Variants in TTC34 observed in about 807,000 individuals in gnomAD.
TTC34 encodes tetratricopeptide repeat protein 34.
In TTC34, 44 loss-of-function variants were observed where a neutral mutation model predicts 40.7. The ratio of observed to expected loss-of-function variants is 1.08; its 90% CI spans 0.85 to 1.39. TTC34 has a LOEUF of 1.39. Ranked by LOEUF, TTC34 falls within the 40% of genes most tolerant of loss-of-function variation. The pLI is 0.00. For missense variants in TTC34, 884 were observed against 838.0 expected, an observed-to-expected ratio of 1.05 and a Z score of -0.68; for synonymous variants, 422 against 398.6, an observed-to-expected ratio of 1.06 and a Z score of -0.70.
intron 2 of TTC34, among the ~76,000 whole-genome samples, chr1:2,791,101 C>T (rs561430112): frequency 1.8e-4 from 27 of 152,238 alleles, no homozygotes; most frequent in Middle Eastern, 3.4e-3. Flanking sequence ...GGGCAGCATC[C>T]CCACCCCCAC....
chr1:2,641,863 G>A lies in TTC34; in HGVS notation c.2745C>T (p.Asp915=), dbSNP rs761124759. 16 of 1,499,852 alleles carry A rather than the reference G, an allele frequency of 1.1e-5. No individual in the cohort carries two copies. The African/African-American group carries it at 1.4e-4, about 13-fold the overall frequency. The allele number at this position is 1,499,852 out of a possible 1,614,324, so 92.9% of individuals were successfully genotyped here. The change falls in exon 9 of 9, where the codon GAC becomes GAT. Residue 915 remains aspartate (D), a synonymous_variant. Transcript: ENST00000401095. ...CCAGCGCCTGCCTGGGTTGCCCTGCGTCCAGGAGGGTGCCGGCTTCCTGGG... is the reference window on the plus strand; with the variant it reads ...CCAGCGCCTGCCTGGGTTGCCCTGCATCCAGGAGGGTGCCGGCTTCCTGGG...
intron 6 of TTC34, among the ~76,000 whole-genome samples, chr1:2,694,166 A>AAGCAGCACCCCACACCCCCAGGTGAGCAT (rs1557623720): frequency 7.2e-6 from 1 of 139,380 alleles, no homozygotes; most frequent in Non-Finnish European, 1.5e-5. Flanking sequence ...CGAGCATCTG[A>AAGCAGCACCCCACACCCCCAGGTGAGCAT]CGGCCTGGAA....
At chr1:2,752,669 G>C (rs1641362983) in intron 6 of TTC34, among the ~76,000 whole-genome samples, 3 of 142,594 alleles carry the variant, frequency 2.1e-5, no homozygotes, top group Non-Finnish European at 4.5e-5. Context: ...GCGAGCATCT[G>C]ACAACCTGCA....
intron 2 of TTC34, among the ~76,000 whole-genome samples, chr1:2,795,016 C>A (rs1643698486): frequency 6.6e-6 from 1 of 151,714 alleles, no homozygotes. Context: ...CCTGCATAAC[C>A]ATCCACTGTA....
intron 8 of TTC34, among the ~76,000 whole-genome samples, chr1:2,642,517 C>T (rs1474343603): frequency 2.0e-5 from 3 of 152,244 alleles, no homozygotes; most frequent in Non-Finnish European, 2.9e-5. Flanking sequence ...CCCCCCACTC[C>T]TCCCGGGCAC....
At chr1:2,752,988 T>C (rs1641375092) in intron 6 of TTC34, among the ~76,000 whole-genome samples, 4 of 140,978 alleles carry the variant, frequency 2.8e-5, no homozygotes, top group African/African-American at 8.3e-5. Context: ...CAGGTGAGCA[T>C]CTGACCGCAT....
At position 2,700,071 on chromosome 1, in the gene TTC34, C is replaced by T. The variant is rs1485425824; in HGVS notation, c.2227-54508G>A. 1.2e-4 allele frequency among the ~76,000 whole-genome samples: 15 copies of T among 120,076 alleles called. 3 individuals carry two copies. Among genetic ancestry groups the T allele is most frequent in the South Asian group, 2.5e-4 (1 of 3,956 alleles). 78.8% of individuals were successfully genotyped at this position (120,076 alleles called of 152,430 possible). A position where few individuals can be genotyped will look rare whatever the true frequency, so the allele number is the denominator to read the frequency against. ...CCCACACCCAGAGGTGAGCATATGACCACCTGGAGCAGCACCCACAGTCCC... is the reference window on the plus strand; with the variant it reads ...CCCACACCCAGAGGTGAGCATATGATCACCTGGAGCAGCACCCACAGTCCC... On this transcript the variant is annotated intron_variant, in intron 6 of 8. Transcript: ENST00000401095.
At chr1:2,800,474 G>A (rs777025499) in exon 2 of TTC34, 47 of 398,524 alleles carry the variant, frequency 1.2e-4, no homozygotes, top group South Asian at 2.5e-4. Flanking sequence ...CCACTTCTTC[G>A]TGACGCCCGC....
intron 6 of TTC34, among the ~76,000 whole-genome samples, chr1:2,753,211 C>T: frequency 1.7e-5 from 2 of 118,020 alleles, no homozygotes; most frequent in Non-Finnish European, 1.7e-5. Context: ...AGCAGCACCC[C>T]ACACCCACAG....
At chr1:2,694,190 CCCA>C (rs1640756532) in intron 6 of TTC34, among the ~76,000 whole-genome samples, 1 of 127,202 alleles carries the variant, frequency 7.9e-6, no homozygotes, top group Non-Finnish European at 1.7e-5. Flanking sequence ...CACCCACACC[CCCA>C]GGTGAGCATG....
chr1:2,771,523 C>T (rs1268892310), intron 6 of TTC34, among the ~76,000 whole-genome samples: 2 of 76,876 alleles, frequency 2.6e-5, no homozygotes, highest in Non-Finnish European at 4.6e-5. Context: ...AGCACGCACA[C>T]CCCCAGGCGA....
intron 2 of TTC34, among the ~76,000 whole-genome samples, chr1:2,791,715 C>A (rs58782253): frequency 6.6e-6 from 1 of 152,052 alleles, no homozygotes; most frequent in Non-Finnish European, 1.5e-5. Context: ...TTTGCAGTGG[C>A]TCATGGATCC....
intron 6 of TTC34, among the ~76,000 whole-genome samples, chr1:2,652,345 A>G (rs1401422145): frequency 6.6e-6 from 1 of 151,348 alleles, no homozygotes; most frequent in Non-Finnish European, 1.5e-5. Context: ...AGCATCTGAT[A>G]TCCTGGAACA....
chr1:2,685,999 C>T (rs796321750), intron 6 of TTC34, among the ~76,000 whole-genome samples: 17 of 103,124 alleles, frequency 1.6e-4, no homozygotes, highest in African/African-American at 6.5e-4. Flanking sequence ...AGCACCCACA[C>T]CCCCAGGTGA....
intron 6 of TTC34, among the ~76,000 whole-genome samples, chr1:2,656,367 C>A (rs1231919416): frequency 6.1e-5 from 6 of 98,104 alleles, no homozygotes; most frequent in African/African-American, 8.6e-5. Flanking sequence ...CCTGGAACAG[C>A]ACCCACACCC....
chr1:2,683,941 G>C (rs1250246593), intron 6 of TTC34, among the ~76,000 whole-genome samples: 1 of 132,916 alleles, frequency 7.5e-6, no homozygotes, highest in Non-Finnish European at 1.5e-5. Flanking sequence ...ATGGTCTGGA[G>C]CAGTACCCAC....
chr1:2,801,094 G>A (rs577023798), intron 1 of TTC34, among the ~76,000 whole-genome samples: 26 of 152,142 alleles, frequency 1.7e-4, no homozygotes, highest in Non-Finnish European at 3.1e-4. Context: ...CCTCAGTTTC[G>A]TGCCTTGCAG....
chr1:2,680,941 T>C (rs1417792756), intron 6 of TTC34, among the ~76,000 whole-genome samples: 23 of 103,446 alleles, frequency 2.2e-4, no homozygotes, highest in South Asian at 6.9e-4. Flanking sequence ...GCAGCACCCA[T>C]AGCCCATGGT....
intron 6 of TTC34, among the ~76,000 whole-genome samples, chr1:2,777,723 A>T (rs1460742955): frequency 6.7e-6 from 1 of 148,228 alleles, no homozygotes; most frequent in East Asian, 2.0e-4. Flanking sequence ...CATATCCTGG[A>T]TGCACAAATT....
Sources: gnomAD v4.1 joint callset for allele counts (sites outside exome capture counted in the v4.1 genomes callset) on GRCh38, gnomAD v4.1.1 for gene constraint, MANE v1.5 for transcripts, NCBI Gene and HGNC (gene_info 2026-07-23, HGNC 2026-07-21) for gene names.